ERI1: variants seen among roughly 807,000 people sequenced by gnomAD.
ERI1 encodes the protein 3'-5' exoribonuclease 1.
ERI1 carries 39 observed loss-of-function variants against 39.7 expected under a neutral mutation model. That is an observed-to-expected ratio of 0.98 (90% CI 0.76 to 1.28). The LOEUF is 1.28. ERI1 is among the 50% of genes most tolerant of loss of function. The pLI is 0.00. For missense variants in ERI1, 581 were observed against 416.9 expected (o/e 1.39, Z -3.43); for synonymous variants, 204 against 149.6 (o/e 1.36, Z -2.65).
chr8:9,020,277 G>T (rs1817737722), intron 5 of ERI1, 73 bp from the exon 6 acceptor site: 1 of 715,984 alleles, frequency 1.4e-6, no homozygotes. Flanking sequence ...ATAAATAAAT[G>T]ATTTAAAATA....
chr8:9,058,556 C>T (rs997343866), intron 3 of ERI1, among the ~76,000 whole-genome samples: 7 of 152,126 alleles, frequency 4.6e-5, no homozygotes, highest in Non-Finnish European at 1.0e-4. Flanking sequence ...TCCTGTTTAA[C>T]ATTTTTTTCT....
At chr8:9,009,977 C>T (rs930781807) in intron 2 of ERI1, among the ~76,000 whole-genome samples, 3 of 152,186 alleles carry the variant, frequency 2.0e-5, no homozygotes, top group African/African-American at 7.2e-5. Flanking sequence ...CAGAAGGGAG[C>T]CACTGAAGAT....
chr8:9,003,195 C>T (rs1283626751), intron 1 of ERI1, 24 bp downstream of exon 1: 7 of 1,225,798 alleles, frequency 5.7e-6, no homozygotes, highest in East Asian at 3.1e-5. Flanking sequence ...CCGCGCCTGG[C>T]TGTTGGCGCC....
intron 3 of ERI1, among the ~76,000 whole-genome samples, chr8:9,071,014 C>T (rs1462065571): frequency 2.6e-5 from 4 of 152,218 alleles, no homozygotes; most frequent in Non-Finnish European, 5.9e-5. Flanking sequence ...GCTCTATCTT[C>T]TCTCCACCCA....
intron 3 of ERI1, among the ~76,000 whole-genome samples, chr8:9,067,870 C>G (rs1378237085): frequency 2.6e-5 from 4 of 151,940 alleles, no homozygotes; most frequent in Non-Finnish European, 5.9e-5. Flanking sequence ...TTCCTTCTTT[C>G]ACATTTTCTA....
At chr8:9,097,991 A>G (rs111771759) in intron 3 of ERI1, among the ~76,000 whole-genome samples, 5,675 of 152,324 alleles carry the variant, frequency 0.037, 323 homozygotes, top group African/African-American at 0.12. Context: ...GGAATTGGAG[A>G]CCATTATTCT....
At chr8:9,009,045 C>G in intron 2 of ERI1, 1 of 456,222 alleles carries the variant, frequency 2.2e-6, no homozygotes, top group Non-Finnish European at 4.4e-6. Flanking sequence ...CAACTTGTAG[C>G]CTACAGAAGA....
intron 1 of ERI1, among the ~76,000 whole-genome samples, chr8:9,003,771 A>G (rs1815637950): frequency 6.6e-6 from 1 of 152,226 alleles, no homozygotes; most frequent in Admixed American, 6.5e-5. Flanking sequence ...TATTTAACGA[A>G]TGTTAATTGT....
At chr8:9,057,928 G>A (rs772762800) in intron 3 of ERI1, among the ~76,000 whole-genome samples, 8 of 152,164 alleles carry the variant, frequency 5.3e-5, no homozygotes, top group Non-Finnish European at 1.2e-4. Context: ...GCAAGCAATC[G>A]GAGTAATAGG....
chr8:9,056,216 C>CT (rs1334585642), intron 3 of ERI1, among the ~76,000 whole-genome samples: 2 of 152,258 alleles, frequency 1.3e-5, no homozygotes, highest in Admixed American at 6.5e-5. Context: ...GTGGAAGACA[C>CT]TGTCTCTGCG....
At chr8:9,092,605 T>G (rs1799742902) in intron 3 of ERI1, among the ~76,000 whole-genome samples, 1 of 152,146 alleles carries the variant, frequency 6.6e-6, no homozygotes, top group Non-Finnish European at 1.5e-5. Flanking sequence ...TATCAACCTC[T>G]TCGGATGCAT....
chr8:9,079,002 G>C (rs1799291294), intron 3 of ERI1, among the ~76,000 whole-genome samples: 1 of 152,142 alleles, frequency 6.6e-6, no homozygotes, highest in Admixed American at 6.6e-5. Flanking sequence ...TGAGCTCTAA[G>C]GGGTGTTGTC....
At chr8:9,093,468 C>T (rs1184978252) in intron 3 of ERI1, among the ~76,000 whole-genome samples, 1 of 143,310 alleles carries the variant, frequency 7.0e-6, no homozygotes, top group Non-Finnish European at 1.5e-5. Flanking sequence ...TATGCATACA[C>T]CTGGATAATA....
chr8:9,051,201 T>A (rs748731961), intron 3 of ERI1, among the ~76,000 whole-genome samples: 20 of 152,016 alleles, frequency 1.3e-4, no homozygotes, highest in Non-Finnish European at 1.2e-4. Context: ...AAGGAGTTTA[T>A]TTCTTACAGT....
intron 6 of ERI1, among the ~76,000 whole-genome samples, chr8:9,022,422 A>G (rs1162129353): frequency 6.6e-6 from 1 of 152,000 alleles, no homozygotes; most frequent in Non-Finnish European, 1.5e-5. Flanking sequence ...TGTCTTTGAG[A>G]TGAAGTCTCA....
At chr8:9,093,439 A>G (rs542250677) in intron 3 of ERI1, among the ~76,000 whole-genome samples, 1 of 151,558 alleles carries the variant, frequency 6.6e-6, no homozygotes, top group Non-Finnish European at 1.5e-5. Context: ...TCAACCCATT[A>G]CAAATATAGA....
chr8:9,081,914 G>C (rs995114289), intron 3 of ERI1, among the ~76,000 whole-genome samples: 2 of 152,120 alleles, frequency 1.3e-5, no homozygotes, highest in Non-Finnish European at 2.9e-5. Context: ...TGCACTGGAA[G>C]ACCAAATAAA....
At chr8:9,017,143 G>A (rs551182967) in intron 4 of ERI1, among the ~76,000 whole-genome samples, 3 of 152,162 alleles carry the variant, frequency 2.0e-5, no homozygotes, top group East Asian at 1.9e-4. Context: ...AGGTTCAAGC[G>A]ATTCTCCTGC....
At chr8:9,099,286 CT>C (rs201696271) in intron 3 of ERI1, among the ~76,000 whole-genome samples, 5,852 of 151,440 alleles carry the variant, frequency 0.039, 320 homozygotes, top group African/African-American at 0.12. Flanking sequence ...ATTAGTTCAA[CT>C]TTTTTCAGAA....
Sources: gnomAD v4.1 joint callset for allele counts (sites outside exome capture counted in the v4.1 genomes callset) on GRCh38, gnomAD v4.1.1 for gene constraint, MANE v1.5 for transcripts, NCBI Gene and HGNC (gene_info 2026-07-23, HGNC 2026-07-21) for gene names.